Variants in LHX8 observed in about 807,000 individuals in gnomAD.
The protein encoded by LHX8 is LIM/homeobox protein Lhx8.
Under a neutral mutation model 40.3 loss-of-function variants are expected in LHX8, and 12 were observed. The observed-to-expected ratio is 0.30, with a 90% CI of 0.19 to 0.48. The LOEUF (loss-of-function observed/expected upper bound fraction) is 0.48, where lower values mean the gene tolerates loss of function less well. Ranked by LOEUF, LHX8 falls within the 20% of genes least tolerant of loss-of-function variation. The probability of loss-of-function intolerance (pLI) is 0.99; values close to 1 mark genes in which losing one functional copy is unlikely to be tolerated. For missense variants in LHX8, 344 were observed against 433.7 expected (o/e 0.79, Z 1.84); for synonymous variants, 179 against 162.0 (o/e 1.10, Z -0.80).
chr1:75,175,861 C>G, the LHX8 span, among the ~76,000 whole-genome samples: 4 of 152,064 alleles, frequency 2.6e-5, no homozygotes, highest in Non-Finnish European at 5.9e-5. Context: ...GTGATGTTCC[C>G]TGCCCTGTGT....
In LHX8 at chr1:75,160,809, T is replaced by C. The variant is rs1413508390; in HGVS notation, c.965-10T>C. On this transcript the variant is annotated splice_polypyrimidine_tract_variant and intron_variant, in intron 8 of 8. Transcript: ENST00000356261. ...CAAAACTGATCCACAAATTTCTTTC[T>C]ATTTTGTAGCTCATTCACCAACAAC... 29 of 1,598,860 alleles carry C rather than the reference T, an allele frequency of 1.8e-5. No individual in the cohort carries two copies. The highest frequency in any genetic ancestry group is 2.4e-5 in the Non-Finnish European group (28 of 1,166,184).
At position 75,161,459 on chromosome 1, in the gene LHX8, G is replaced by A. The variant is rs190197837; in HGVS notation, c.*564G>A. 1.3e-5 allele frequency: 2 copies of A among 154,180 alleles called. No individual in the cohort carries two copies. Among genetic ancestry groups the A allele is most frequent in the African/African-American group, 4.8e-5 (2 of 41,546 alleles). The allele number at this position is 154,180 out of a possible 1,614,324, so 9.6% of individuals were successfully genotyped here. A position where few individuals can be genotyped will look rare whatever the true frequency, so the allele number is the denominator to read the frequency against. ...TGTTTGTGGTTGATGAATTATGGCT[G>A]TAAATAACACTATAGTTTAATAAGC... is the stretch of plus-strand genomic sequence containing the variant. On this transcript the variant is annotated 3_prime_UTR_variant, in exon 9 of 9. Transcript: ENST00000356261.
At chr1:75,133,740 G>A (rs1424888001), upstream of LHX8, among the ~76,000 whole-genome samples, 2 of 152,276 alleles carry the variant, frequency 1.3e-5, no homozygotes, top group African/African-American at 4.8e-5. Flanking sequence ...AGAACTTGAG[G>A]CAGAAGACAA....
At chr1:75,168,256 C>A in the LHX8 span, among the ~76,000 whole-genome samples, 3 of 152,132 alleles carry the variant, frequency 2.0e-5, no homozygotes, top group African/African-American at 7.2e-5. Flanking sequence ...GAGTTTCACT[C>A]TTGTTGCCCA....
At chr1:75,147,686 T>C (rs544235243) in intron 6 of LHX8, among the ~76,000 whole-genome samples, 223 of 152,336 alleles carry the variant, frequency 1.5e-3, no homozygotes, top group Non-Finnish European at 2.6e-3. Context: ...TTCATAATAA[T>C]ACATTTTTTA....
chr1:75,178,820 A>G, the LHX8 span, among the ~76,000 whole-genome samples: 2 of 152,166 alleles, frequency 1.3e-5, no homozygotes, highest in Non-Finnish European at 2.9e-5. Flanking sequence ...AGTGCTATAA[A>G]TTTCCCTGTA....
At chr1:75,173,374 CTTTTTTTTTTT>C in the LHX8 span, among the ~76,000 whole-genome samples, 25 of 96,470 alleles carry the variant, frequency 2.6e-4, 1 homozygote, top group South Asian at 3.6e-4. Flanking sequence ...GATATATACT[CTTTTTTTTTTT>C]TTTTTTTTTT....
chr1:75,175,191 T>C, the LHX8 span, among the ~76,000 whole-genome samples: 1 of 152,376 alleles, frequency 6.6e-6, no homozygotes, highest in East Asian at 1.9e-4. Context: ...TCACATTTTC[T>C]TTATCCACTC....
At chr1:75,130,805 C>CAA, upstream of LHX8, 1 of 1,437,800 alleles carries the variant, frequency 7.0e-7, no homozygotes, top group Non-Finnish European at 9.8e-7. Flanking sequence ...ATAATGGTTA[C>CAA]ACGTGATGGG....
At chr1:75,136,358 A>ACTC (rs1443872865) in intron 1 of LHX8, among the ~76,000 whole-genome samples, 1 of 151,742 alleles carries the variant, frequency 6.6e-6, no homozygotes, top group Non-Finnish European at 1.5e-5. Context: ...AGCGCCGGAG[A>ACTC]CCCGGAGCCC....
At chr1:75,135,538 G>T (rs1294287367) in intron 1 of LHX8, among the ~76,000 whole-genome samples, 1 of 152,232 alleles carries the variant, frequency 6.6e-6, no homozygotes, top group African/African-American at 2.4e-5. Context: ...ATCTTGCCTG[G>T]TGCTTCCAGA....
chr1:75,140,231 A>G (rs1648276218), intron 3 of LHX8, among the ~76,000 whole-genome samples: 1 of 152,234 alleles, frequency 6.6e-6, no homozygotes, highest in African/African-American at 2.4e-5. Flanking sequence ...GCCTTATTAA[A>G]CACCATCTTA....
chr1:75,187,876 A>G, the LHX8 span, among the ~76,000 whole-genome samples: 2 of 152,180 alleles, frequency 1.3e-5, no homozygotes, highest in Non-Finnish European at 2.9e-5. Flanking sequence ...GCATTCACCC[A>G]GGTCAAGGAA....
the LHX8 span, among the ~76,000 whole-genome samples, chr1:75,171,605 G>A: frequency 1.3e-5 from 2 of 152,010 alleles, no homozygotes; most frequent in Non-Finnish European, 2.9e-5. Context: ...AGTGCTAATA[G>A]GCATGTTCTC....
intron 5 of LHX8, 126 bp downstream of exon 5, chr1:75,143,464 G>C: frequency 1.5e-6 from 1 of 668,432 alleles, no homozygotes; most frequent in Non-Finnish European, 2.5e-6. Flanking sequence ...AACTCATTAA[G>C]TACTCTACTG....
At chr1:75,146,174 C>G (rs12133614) in intron 6 of LHX8, among the ~76,000 whole-genome samples, 37,414 of 152,016 alleles carry the variant, frequency 0.25, 4,960 homozygotes, top group Middle Eastern at 0.33. Context: ...ATATTTTCAA[C>G]TAGAGCTTGA....
chr1:75,150,998 G>A (rs752982593), intron 7 of LHX8, among the ~76,000 whole-genome samples: 2 of 151,920 alleles, frequency 1.3e-5, no homozygotes, highest in Non-Finnish European at 2.9e-5. Context: ...AAATAACACC[G>A]GAAGTTCAAA....
chr1:75,148,693 TA>T lies in LHX8; in HGVS notation c.780+12del, dbSNP rs1217918128. The T allele has an allele frequency of 3.3e-6, 5 of 1,526,722 alleles. No homozygotes were observed. The highest frequency in any genetic ancestry group is 2.3e-5 in the South Asian group (2 of 87,428). 94.6% of individuals were successfully genotyped at this position (1,526,722 alleles called of 1,614,324 possible). A position where few individuals can be genotyped will look rare whatever the true frequency, so the allele number is the denominator to read the frequency against. On this transcript the variant is annotated intron_variant, in intron 7 of 8. Transcript: ENST00000356261. ...AGACGTGTGATACAGGTGATTACTT[TA>T]CTTTTTTTTTTTTTTAAGGTTTTTA...
chr1:75,197,190 G>A, the LHX8 span, among the ~76,000 whole-genome samples: 1 of 151,970 alleles, frequency 6.6e-6, no homozygotes, highest in Non-Finnish European at 1.5e-5. Context: ...GTTAAGATTT[G>A]GCATGTTTCA....
Sources: allele counts gnomAD v4.1 joint callset (sites outside exome capture counted in the v4.1 genomes callset), GRCh38; gene constraint gnomAD v4.1.1; transcripts MANE v1.5; gene names NCBI Gene and HGNC (gene_info 2026-07-23, HGNC 2026-07-21).